PLEKHG4B: variants seen among roughly 807,000 people sequenced by gnomAD.
PLEKHG4B encodes pleckstrin homology domain-containing family G member 4B.
A neutral mutation model predicts 121.3 loss-of-function variants in PLEKHG4B; 111 were observed. That is an observed-to-expected ratio of 0.92 (90% CI 0.78 to 1.07). The LOEUF is 1.07. Among genes scored for constraint, PLEKHG4B ranks in the 50% least tolerant of loss-of-function variants. PLEKHG4B has a pLI of 0.00. For synonymous variants in PLEKHG4B, 738 were observed against 725.0 expected (o/e 1.02, Z -0.29); for missense variants, 1,831 against 1,757.8 (o/e 1.04, Z -0.74).
At chr5:154,256 G>A (rs577557306) in intron 7 of PLEKHG4B, among the ~76,000 whole-genome samples, 4 of 152,112 alleles carry the variant, frequency 2.6e-5, no homozygotes, top group Non-Finnish European at 4.4e-5. Context: ...CGCCTGCCTC[G>A]GCCTCCCAAA....
chr5:156,626 G>A lies in PLEKHG4B; in HGVS notation c.2349-147G>A, dbSNP rs1735790505. ...AACGCATGGAGCACATCTGTGCCCC[G>A]CCTCGGTTGTGGGCCTCCTCCTGGG... is the stretch of plus-strand genomic sequence containing the variant. On this transcript the variant is annotated intron_variant, in intron 10 of 19. Coordinates refer to ENST00000637938, the MANE Select transcript of PLEKHG4B (RefSeq NM_052909.5). This position sits in a 1 kb window ranked among gnomAD's most constrained non-coding sequence, Gnocchi z 4.4. The A allele has an allele frequency of 6.3e-6, 7 of 1,116,632 alleles. No individual in the cohort carries two copies. The highest frequency in any genetic ancestry group is 4.9e-5 in the South Asian group (3 of 60,818). The allele number at this position is 1,116,632 out of a possible 1,614,324, so 69.2% of individuals were successfully genotyped here.
intron 9 of PLEKHG4B, among the ~76,000 whole-genome samples, chr5:155,829 A>G (rs1203380101): frequency 6.6e-6 from 1 of 152,042 alleles, no homozygotes; most frequent in Non-Finnish European, 1.5e-5. Flanking sequence ...CCTGGTCTAA[A>G]TGGCAGGTTC....
intron 1 of PLEKHG4B, among the ~76,000 whole-genome samples, chr5:106,417 A>G (rs918131120): frequency 2.0e-5 from 3 of 152,162 alleles, no homozygotes; most frequent in Admixed American, 1.3e-4. Context: ...AGATTTCATG[A>G]TAGAAATTAC....
chr5:162,615 GGC>G, intron 12 of PLEKHG4B, 105 bp from the exon 13 acceptor site: 1 of 818,070 alleles, frequency 1.2e-6, no homozygotes, highest in Non-Finnish European at 1.7e-6. Flanking sequence ...TCTGCTTTCT[GGC>G]CCCCTGGTCC....
intron 1 of PLEKHG4B, among the ~76,000 whole-genome samples, chr5:99,417 A>G (rs1560892673): frequency 6.6e-6 from 1 of 151,756 alleles, no homozygotes; most frequent in East Asian, 1.9e-4. Flanking sequence ...TAATTTCTTC[A>G]GCAATGTTTT....
At chr5:115,806 A>G (rs1293056897) in intron 2 of PLEKHG4B, among the ~76,000 whole-genome samples, 2 of 152,220 alleles carry the variant, frequency 1.3e-5, no homozygotes, top group Non-Finnish European at 2.9e-5. Flanking sequence ...GAAGAAAGTT[A>G]GGGGCTTCAT....
At position 137,136 on chromosome 5, in the gene PLEKHG4B, ATACTGTGCC is replaced by A. The variant is rs1378885548; in HGVS notation, c.244-2346_244-2338del. On this transcript the variant is annotated intron_variant, in intron 2 of 19. Transcript: ENST00000637938. This position sits in a 1 kb window ranked among gnomAD's most constrained non-coding sequence, Gnocchi z 4.2. Reference sequence around the variant, plus strand: ...CATGTGGCATGGATAGACCTTGAGGATACTGTGCCAATGGATAGGAGCCAGTACTGGAAG... The same window carrying A: ...CATGTGGCATGGATAGACCTTGAGGAAATGGATAGGAGCCAGTACTGGAAG... Among the ~76,000 whole-genome samples the A allele has an allele frequency of 6.6e-6, 1 of 152,232 alleles. No individual in the cohort carries two copies.
chr5:130,294 A>G (rs1040215839), intron 2 of PLEKHG4B, among the ~76,000 whole-genome samples: 1 of 152,260 alleles, frequency 6.6e-6, no homozygotes, highest in Non-Finnish European at 1.5e-5. Flanking sequence ...AAGAGCCAAT[A>G]GAAAAATTGG....
At chr5:110,755 C>T (rs1051706158) in intron 1 of PLEKHG4B, among the ~76,000 whole-genome samples, 13 of 152,368 alleles carry the variant, frequency 8.5e-5, no homozygotes, top group Admixed American at 8.5e-4. Flanking sequence ...CAAACGTGCA[C>T]ACATCCACAC....
chr5:143,098 G>A lies in PLEKHG4B; in HGVS notation c.1529G>A (p.Cys510Tyr). 1 of 1,613,076 alleles carries A rather than the reference G, an allele frequency of 6.2e-7. No individual in the cohort carries two copies. The highest frequency in any genetic ancestry group is 8.5e-7 in the Non-Finnish European group (1 of 1,180,004). ...CVSTDGGSLH[C>Y]HNPSGPSDVP... ...AGCACAGACGGCGGCAGCCTCCATT[G>A]CCACAACCCCAGCGGGCCTTCCGAT... The change falls in exon 4 of 20, where the codon TGC becomes TAC. Residue 510 changes from cysteine (C) to tyrosine (Y), a missense_variant. Transcript: ENST00000637938.
chr5:145,919 C>T (rs971495420), intron 6 of PLEKHG4B, among the ~76,000 whole-genome samples: 3 of 152,054 alleles, frequency 2.0e-5, no homozygotes, highest in Non-Finnish European at 4.4e-5. Flanking sequence ...CTCCTATACT[C>T]ACTGAGGAAT....
At position 171,372 on chromosome 5, in the gene PLEKHG4B, C is replaced by T. The variant is rs757377687; in HGVS notation, c.3978C>T (p.Ala1326=). The T allele has an allele frequency of 1.2e-5, 20 of 1,611,302 alleles. No individual in the cohort carries two copies. The highest frequency in any genetic ancestry group is 1.1e-4 in the South Asian group (10 of 91,040). ...QGQELGELRA[A]EVVVCFQLRH... ...AGGAGCTGGGCGAGCTCCGAGCCGC[C>T]GAGGTCGTGGTCTGCTTCCAGCTGC... is the stretch of plus-strand genomic sequence containing the variant. Residue 1326 remains alanine (A), a synonymous_variant, in exon 16 of 20, where the codon GCC becomes GCT. Coordinates refer to ENST00000637938, the MANE Select transcript of PLEKHG4B (RefSeq NM_052909.5).
At chr5:151,492 T>TTTATTTC (rs1735601825) in intron 6 of PLEKHG4B, 21 bp from the exon 7 acceptor site, 1 of 1,467,422 alleles carries the variant, frequency 6.8e-7, no homozygotes, top group Admixed American at 1.9e-5. Flanking sequence ...ATCAGTAATA[T>TTTATTTC]TTATTTCTTA....
intron 2 of PLEKHG4B, among the ~76,000 whole-genome samples, chr5:130,509 G>A (rs571292530): frequency 6.6e-6 from 1 of 152,222 alleles, no homozygotes; most frequent in East Asian, 1.9e-4. Context: ...GAACTTTTAG[G>A]AATATTGACA....
intron 2 of PLEKHG4B, among the ~76,000 whole-genome samples, chr5:118,690 A>G (rs1196283517): frequency 1.3e-5 from 2 of 152,154 alleles, no homozygotes; most frequent in Admixed American, 1.3e-4. Context: ...AGAATGGTGA[A>G]TCCTTTCCAG....
intron 2 of PLEKHG4B, among the ~76,000 whole-genome samples, chr5:133,941 C>CACACACACATATAT (rs34900477): frequency 3.0e-4 from 44 of 146,352 alleles, no homozygotes; most frequent in African/African-American, 1.0e-3. Context: ...CACACACACA[C>CACACACACATATAT]ATATATATAT....
Position 162,784 on chromosome 5 carries a change from T to G in PLEKHG4B, c.2712T>G (p.Cys904Trp). ...GTCCCTCCTCACCCGTGGCTGAGTG[T>G]TTGAGGAGCTGTCACCAGGAGGCTA... ...EACPSSPVAE[C>W]LRSCHQEATS... The change falls in exon 13 of 20, where the codon TGT becomes TGG. Residue 904 changes from cysteine (C) to tryptophan (W), a missense_variant. Physicochemically the swap from Cys to Trp is radical, Grantham distance 215 (BLOSUM62 -2). Coordinates refer to ENST00000637938, the MANE Select transcript of PLEKHG4B (RefSeq NM_052909.5). The G allele has an allele frequency of 6.7e-7, 1 of 1,487,524 alleles. No individual in the cohort carries two copies. Among genetic ancestry groups the G allele is most frequent in the Admixed American group, 2.5e-5 (1 of 40,234 alleles). 92.1% of individuals were successfully genotyped at this position (1,487,524 alleles called of 1,614,324 possible). A position where few individuals can be genotyped will look rare whatever the true frequency, so the allele number is the denominator to read the frequency against.
rs1735807274 is a variant in PLEKHG4B at position 156,989 on chromosome 5, A to G, written c.2487+78A>G. ...TGGCCAAGGCAACCCTCTCACCTTC[A>G]CACTGTGTCTTTAGGGCCTTGATCT... On this transcript the variant is annotated intron_variant, in intron 11 of 19. Transcript: ENST00000637938. This position sits in a 1 kb window ranked among gnomAD's most constrained non-coding sequence, Gnocchi z 4.4. 3.9e-6 allele frequency: 6 copies of G among 1,547,614 alleles called. No homozygotes were observed. Among genetic ancestry groups the G allele is most frequent in the African/African-American group, 1.4e-5 (1 of 73,372 alleles).
In PLEKHG4B at chr5:185,385, A is replaced by G. The variant is rs1171401940; in HGVS notation, c.*3062A>G. 1.2e-4 allele frequency: 18 copies of G among 152,356 alleles called. No homozygotes were observed. The highest frequency in any genetic ancestry group is 3.4e-3 in the Middle Eastern group (1 of 294). The allele number at this position is 152,356 out of a possible 1,614,324, so 9.4% of individuals were successfully genotyped here. A position where few individuals can be genotyped will look rare whatever the true frequency, so the allele number is the denominator to read the frequency against. On this transcript the variant is annotated 3_prime_UTR_variant, in exon 20 of 20. Transcript: ENST00000637938. ...GTGGATCGTATGTCGCTTAAATCCC[A>G]ACAAAGCAGTATTTTTTTAAAGTAC... is the stretch of plus-strand genomic sequence containing the variant.
Sources: allele counts gnomAD v4.1 joint callset (sites outside exome capture counted in the v4.1 genomes callset), GRCh38; gene constraint gnomAD v4.1.1; non-coding constraint Gnocchi (gnomAD v3.1); transcripts MANE v1.5; gene names NCBI Gene and HGNC (gene_info 2026-07-23, HGNC 2026-07-21).